The following SEC11C variants were observed in gnomAD, a reference collection of about 807,000 sequenced individuals.
SEC11C encodes SEC11 homolog C, signal peptidase complex subunit.
Under a neutral mutation model 21.9 loss-of-function variants are expected in SEC11C, and 10 were observed. The ratio of observed to expected loss-of-function variants is 0.46; its 90% CI spans 0.28 to 0.77. The LOEUF is 0.77. SEC11C is among the 30% of genes least tolerant of loss of function. The pLI is 0.12. For synonymous variants in SEC11C, 83 were observed against 85.6 expected (o/e 0.97, Z 0.17); for missense variants, 145 against 244.5 (o/e 0.59, Z 2.71).
intron 1 of SEC11C, among the ~76,000 whole-genome samples, chr18:59,143,352 CAAAA>C (rs36204971): frequency 1.8e-5 from 2 of 111,170 alleles, no homozygotes; most frequent in Admixed American, 9.4e-5. Context: ...GACTCCATTT[CAAAA>C]AAAAAAAAAA....
chr18:59,150,337 T>C (rs1252361964), intron 2 of SEC11C, among the ~76,000 whole-genome samples: 2 of 151,996 alleles, frequency 1.3e-5, no homozygotes, highest in Non-Finnish European at 2.9e-5. Context: ...AGTGCAGGAG[T>C]TGAGGCTAGA....
At chr18:59,146,389 G>A (rs971132455) in intron 1 of SEC11C, among the ~76,000 whole-genome samples, 3 of 152,164 alleles carry the variant, frequency 2.0e-5, no homozygotes, top group Non-Finnish European at 4.4e-5. Flanking sequence ...CATCAGGTAG[G>A]CAGTTGGAAG....
intron 1 of SEC11C, among the ~76,000 whole-genome samples, chr18:59,145,116 A>G (rs1439857258): frequency 6.6e-6 from 1 of 152,246 alleles, no homozygotes; most frequent in Non-Finnish European, 1.5e-5. Flanking sequence ...GATGCTGATG[A>G]ACGATACAAA....
At chr18:59,158,359 A>G (rs1467835452) in intron 5 of SEC11C, among the ~76,000 whole-genome samples, 5 of 152,078 alleles carry the variant, frequency 3.3e-5, no homozygotes, top group Admixed American at 1.3e-4. Flanking sequence ...TTTTAAAAAA[A>G]TCACTTGACA....
rs1217166692 is a variant in SEC11C at position 59,158,630 on chromosome 18, A to C, written c.526-2A>C. On this transcript the variant is annotated splice_acceptor_variant, in intron 5 of 5. Transcript: ENST00000587834. LOFTEE classifies it high-confidence loss of function. ...TGATTTTCCATTGTGTTTTCTTTCC[A>C]GTATGCTCTTTTGGCTGTAATGGGT... 1.2e-6 allele frequency: 2 copies of C among 1,613,488 alleles called. No homozygotes were observed. Among genetic ancestry groups the C allele is most frequent in the Non-Finnish European group, 1.7e-6 (2 of 1,179,612 alleles).
chr18:59,157,505 C>T (rs569965974), intron 4 of SEC11C, 103 bp from the exon 5 acceptor site: 11 of 829,016 alleles, frequency 1.3e-5, no homozygotes, highest in Admixed American at 1.1e-4. Context: ...GGCATTCCCT[C>T]GTACAATTCA....
At position 59,157,617 on chromosome 18, in the gene SEC11C, A is replaced by T; in HGVS notation, c.477A>T (p.Pro159=). Reference sequence around the variant, plus strand: ...TTATCCCACAATTTAGGTTTTTACCATATGTTGGTATGGTCACCATAATAA... The same window carrying T: ...TTATCCCACAATTTAGGTTTTTACCTTATGTTGGTATGGTCACCATAATAA... ...DVVGRARGFL[P]YVGMVTIIMN... Residue 159 remains proline (P), a synonymous_variant, in exon 5 of 6, where the codon CCA becomes CCT. Coordinates refer to ENST00000587834, the MANE Select transcript of SEC11C (RefSeq NM_033280.4). 2 of 1,606,604 alleles carry T rather than the reference A, an allele frequency of 1.2e-6. No homozygotes were observed. The highest frequency in any genetic ancestry group is 2.2e-5 in the South Asian group (2 of 90,888).
chr18:59,147,355 A>G (rs1464132452), intron 1 of SEC11C: 1 of 152,236 alleles, frequency 6.6e-6, no homozygotes, highest in Admixed American at 6.5e-5. Context: ...AACTCAATTC[A>G]AAAGTATGTT....
intron 2 of SEC11C, among the ~76,000 whole-genome samples, chr18:59,150,562 C>T (rs1331173395): frequency 6.6e-6 from 1 of 152,228 alleles, no homozygotes; most frequent in Non-Finnish European, 1.5e-5. Flanking sequence ...CACTCGTGTT[C>T]ACACTGTGCT....
intron 1 of SEC11C, among the ~76,000 whole-genome samples, chr18:59,149,110 G>A (rs960504762): frequency 2.6e-5 from 4 of 152,242 alleles, no homozygotes; most frequent in East Asian, 1.9e-4. Context: ...TGAATCCACA[G>A]TGTGTGGATC....
In SEC11C at chr18:59,155,722, GATA is replaced by G; in HGVS notation, c.388_390del (p.Asn130del). 6.2e-7 allele frequency: 1 copy of G among 1,613,736 alleles called. No individual in the cohort carries two copies. The highest frequency in any genetic ancestry group is 8.5e-7 in the Non-Finnish European group (1 of 1,179,744). On this transcript the variant is annotated inframe_deletion, in exon 4 of 6. Coordinates refer to ENST00000587834, the MANE Select transcript of SEC11C (RefSeq NM_033280.4). ...AGACATCAAATTTCTGACTAAAGGA[GATA>G]ATAATGAAGTTGATGATAGAGGCTT... is the stretch of plus-strand genomic sequence containing the variant.
In SEC11C at chr18:59,152,505, A is replaced by G. The variant is rs368901131; in HGVS notation, c.198-31A>G. ...CTGATCGCCTTTTGGACACAGGGTAATGCTGATACTGACTTTGTGCTTCTT... is the reference window on the plus strand; with the variant it reads ...CTGATCGCCTTTTGGACACAGGGTAGTGCTGATACTGACTTTGTGCTTCTT... On this transcript the variant is annotated intron_variant, in intron 2 of 5. Transcript: ENST00000587834. The G allele has an allele frequency of 8.9e-6, 14 of 1,575,104 alleles. No individual in the cohort carries two copies. The African/African-American group carries it at 1.6e-4, about 18-fold the overall frequency.
chr18:59,154,015 G>A (rs893981481), intron 3 of SEC11C, among the ~76,000 whole-genome samples: 1 of 151,860 alleles, frequency 6.6e-6, no homozygotes, highest in Non-Finnish European at 1.5e-5. Flanking sequence ...CCCATTTACT[G>A]CTTCTTCACA....
rs1213395023 is a variant in SEC11C, at chr18:59,149,566, A to G, written c.141A>G (p.Ile47Met). 6.2e-7 allele frequency: 1 copy of G among 1,613,168 alleles called. No individual in the cohort carries two copies. Among genetic ancestry groups the G allele is most frequent in the Non-Finnish European group, 8.5e-7 (1 of 1,179,352 alleles). ...FAMIVSSALM[I>M]WKGLIVLTGS... ...TGATCGTGTCTTCTGCACTCATGAT[A>G]TGGAAAGGCTTGATCGTGCTCACAG... Residue 47 changes from isoleucine (I) to methionine (M), a missense_variant, in exon 2 of 6, where the codon ATA becomes ATG. Physicochemically the swap from Ile to Met is conservative, Grantham distance 10 (BLOSUM62 1). Coordinates refer to ENST00000587834, the MANE Select transcript of SEC11C (RefSeq NM_033280.4).
intron 3 of SEC11C, 110 bp from the exon 4 acceptor site, chr18:59,155,578 T>G: frequency 8.6e-7 from 1 of 1,162,426 alleles, no homozygotes; most frequent in Non-Finnish European, 1.2e-6. Context: ...TATCTTTGAC[T>G]GTTTTTCTAA....
chr18:59,144,844 T>G (rs533352560), intron 1 of SEC11C, among the ~76,000 whole-genome samples: 1 of 152,346 alleles, frequency 6.6e-6, no homozygotes, highest in African/African-American at 2.4e-5. Flanking sequence ...CTACTTGTAT[T>G]TTCCTTTGGA....
chr18:59,142,654 A>T lies in SEC11C; in HGVS notation c.87+2619A>T, dbSNP rs547467407. ...GAATCTCAATATTTATTGAATGAAG[A>T]CATGAATGTTTTATCTCTTCTAACG... On this transcript the variant is annotated intron_variant, in intron 1 of 5. Coordinates refer to ENST00000587834, the MANE Select transcript of SEC11C (RefSeq NM_033280.4). Among the ~76,000 whole-genome samples the T allele has an allele frequency of 2.6e-5, 4 of 152,316 alleles. No individual in the cohort carries two copies. The South Asian group carries it at 8.3e-4, about 32-fold the overall frequency.
intron 2 of SEC11C, among the ~76,000 whole-genome samples, chr18:59,150,477 C>G (rs1034496535): frequency 6.6e-6 from 1 of 152,224 alleles, no homozygotes. Flanking sequence ...GGGCACACTT[C>G]TAGAGATCGC....
In SEC11C at chr18:59,152,631, A is replaced by G. The variant is rs1333577128; in HGVS notation, c.293A>G (p.Lys98Arg). The G allele has an allele frequency of 6.2e-7, 1 of 1,613,636 alleles. No homozygotes were observed. Among genetic ancestry groups the G allele is most frequent in the South Asian group, 1.1e-5 (1 of 90,956 alleles). Residue 98 changes from lysine (K) to arginine (R), a missense_variant, in exon 3 of 6, where the codon AAA becomes AGA. Lys to Arg is a conservative substitution (Grantham distance 26). Transcript: ENST00000587834. ...AGAGCTGGTGAAATAGTTGTTTTTA[A>G]AGTTGAAGGACGAGACATTCCAATA... ...PIRAGEIVVF[K>R]VEGRDIPIVH...
Sources: gnomAD v4.1 joint callset for allele counts (sites outside exome capture counted in the v4.1 genomes callset) on GRCh38, gnomAD v4.1.1 for gene constraint, MANE v1.5 for transcripts, NCBI Gene and HGNC (gene_info 2026-07-23, HGNC 2026-07-21) for gene names.